C4BPA: variants seen among roughly 807,000 people sequenced by gnomAD.
C4BPA encodes C4b-binding protein alpha chain.
A neutral mutation model predicts 63.7 loss-of-function variants in C4BPA; 31 were observed. That is an observed-to-expected ratio of 0.49 (90% confidence interval 0.37 to 0.66). The LOEUF is 0.66. Among genes scored for constraint, C4BPA ranks in the 30% least tolerant of loss-of-function variants. The pLI, the probability that C4BPA is intolerant of heterozygous loss-of-function variation, is 0.00. For synonymous variants in C4BPA, 259 were observed against 254.7 expected (o/e 1.02, Z -0.16); for missense variants, 572 against 723.3 (o/e 0.79, Z 2.40).
At chr1:207,111,325 G>T (rs1684663211) in intron 1 of C4BPA, among the ~76,000 whole-genome samples, 1 of 152,234 alleles carries the variant, frequency 6.6e-6, no homozygotes. Flanking sequence ...TACAAAGTCT[G>T]TGAACACATT....
intron 1 of C4BPA, among the ~76,000 whole-genome samples, chr1:207,107,911 A>G (rs1684591863): frequency 6.6e-6 from 1 of 152,142 alleles, no homozygotes; most frequent in African/African-American, 2.4e-5. Context: ...GAATAGTGCA[A>G]GGAGGTGAGA....
At chr1:207,114,863 G>C (rs888127000) in intron 3 of C4BPA, 4 of 153,278 alleles carry the variant, frequency 2.6e-5, no homozygotes, top group African/African-American at 9.7e-5. Flanking sequence ...ATTTCATTAT[G>C]ATCTATTGAA....
At position 207,118,224 on chromosome 1, in the gene C4BPA, T is replaced by TA. The variant is rs1553256052; in HGVS notation, c.428+2710dup. Among the ~76,000 whole-genome samples the TA allele has an allele frequency of 8.3e-3, 1,260 of 151,014 alleles. 21 individuals carry two copies. Among genetic ancestry groups the TA allele is most frequent in the African/African-American group, 0.029 (1,185 of 40,540 alleles). On this transcript the variant is annotated intron_variant, in intron 4 of 11. Transcript: ENST00000367070. ...TCTATCTATCATCTGTCTATCTATCTATCTATCTATCTATCTATCTATCAT... is the reference window on the plus strand; with the variant it reads ...TCTATCTATCATCTGTCTATCTATCTAATCTATCTATCTATCTATCTATCAT...
rs886258937 is a variant in C4BPA at position 207,141,269 on chromosome 1, A to G, written c.1437A>G (p.Gln479=). 4 of 1,612,054 alleles carry G rather than the reference A, an allele frequency of 2.5e-6. No homozygotes were observed. Among genetic ancestry groups the G allele is most frequent in the Admixed American group, 3.3e-5 (2 of 59,788 alleles). The change falls in exon 10 of 12, where the codon CAA becomes CAG. Residue 479 remains glutamine (Q), a synonymous_variant. Transcript: ENST00000367070. ...SYSHWSAPAP[Q]CKALCRKPEL... ...CACACTGGTCAGCTCCAGCCCCTCA[A>G]TGTAAAGGTAACTCCAGCTTCCTTT...
intron 7 of C4BPA, among the ~76,000 whole-genome samples, chr1:207,128,040 T>C (rs1244573038): frequency 6.6e-6 from 1 of 152,142 alleles, no homozygotes; most frequent in African/African-American, 2.4e-5. Flanking sequence ...ACTCCGATTA[T>C]ATGGGGAGGA....
rs1572775796 is a variant in C4BPA, at chr1:207,112,929, T to C, written c.-25-72T>C. 6.6e-6 allele frequency: 9 copies of C among 1,370,052 alleles called. No individual in the cohort carries two copies. In the East Asian group the frequency reaches 2.3e-4, roughly 34 times the overall value. 84.9% of individuals were successfully genotyped at this position (1,370,052 alleles called of 1,614,324 possible). On this transcript the variant is annotated intron_variant, in intron 1 of 11. Coordinates refer to ENST00000367070, the MANE Select transcript of C4BPA (RefSeq NM_000715.4). ...CATTTCCTTGAAGACATGGATCCCA[T>C]AACATTTATTCTAGTGCTTTATGAC... is the stretch of plus-strand genomic sequence containing the variant.
In C4BPA at chr1:207,144,681, C is replaced by T. The variant is rs764872306; in HGVS notation, c.1758C>T (p.Asp586=). 6.2e-7 allele frequency: 1 copy of T among 1,610,460 alleles called. No individual in the cohort carries two copies. The highest frequency in any genetic ancestry group is 1.1e-5 in the South Asian group (1 of 90,276). Residue 586 remains aspartate (D), a synonymous_variant, in exon 12 of 12, where the codon GAC becomes GAT. Coordinates refer to ENST00000367070, the MANE Select transcript of C4BPA (RefSeq NM_000715.4). Reference sequence around the variant, plus strand: ...TTGAACAACTGGAACTACAGAGAGACAGCGCAAGACAATCCACTTTGGATA... The same window carrying T: ...TTGAACAACTGGAACTACAGAGAGATAGCGCAAGACAATCCACTTTGGATA... ...LEIEQLELQR[D]SARQSTLDKE... is the part of the protein sequence containing the mutation.
chr1:207,131,620 T>C lies in C4BPA; in HGVS notation c.964T>C (p.Tyr322His). The C allele has an allele frequency of 6.2e-7, 1 of 1,613,410 alleles. No homozygotes were observed. Among genetic ancestry groups the C allele is most frequent in the Non-Finnish European group, 8.5e-7 (1 of 1,179,404 alleles). The change falls in exon 8 of 12, where the codon TAT becomes CAT. Residue 322 changes from tyrosine (Y) to histidine (H), a missense_variant. Physicochemically the swap from Tyr to His is moderately conservative, Grantham distance 83 (BLOSUM62 2). Coordinates refer to ENST00000367070, the MANE Select transcript of C4BPA (RefSeq NM_000715.4). ...TYPRPTKEDVYVVGTVLRYRC... is the reference protein window; with the variant it reads ...TYPRPTKEDVHVVGTVLRYRC... ...TCCTAGGCCGACAAAAGAGGATGTG[T>C]ATGTTGTTGGGACTGTGTTAAGGTA...
chr1:207,129,312 C>G (rs1286477782), intron 7 of C4BPA, among the ~76,000 whole-genome samples: 1 of 149,350 alleles, frequency 6.7e-6, no homozygotes, highest in South Asian at 2.1e-4. Context: ...ATTAAGTGTA[C>G]CAACATATGT....
intron 4 of C4BPA, among the ~76,000 whole-genome samples, chr1:207,120,613 T>A (rs1047913073): frequency 2.6e-5 from 4 of 152,064 alleles, no homozygotes; most frequent in South Asian, 2.1e-4. Context: ...AATAAAAAAA[T>A]TTAAAAAACA....
chr1:207,127,641 C>A (rs1402857697), intron 7 of C4BPA, among the ~76,000 whole-genome samples: 1 of 152,158 alleles, frequency 6.6e-6, no homozygotes, highest in African/African-American at 2.4e-5. Context: ...TTTGGGGAAA[C>A]CTCTCTCCTG....
At chr1:207,134,983 C>T (rs1020606511) in intron 9 of C4BPA, among the ~76,000 whole-genome samples, 1 of 152,186 alleles carries the variant, frequency 6.6e-6, no homozygotes, top group Non-Finnish European at 1.5e-5. Context: ...CCTTCTGTTA[C>T]CTCTGAGCCC....
At chr1:207,118,517 T>G (rs981058405) in intron 4 of C4BPA, among the ~76,000 whole-genome samples, 4 of 152,058 alleles carry the variant, frequency 2.6e-5, no homozygotes, top group Non-Finnish European at 5.9e-5. Flanking sequence ...GAAAAGCCCC[T>G]CATAAAACCA....
At chr1:207,106,875 A>G (rs971269823) in intron 1 of C4BPA, among the ~76,000 whole-genome samples, 2 of 152,254 alleles carry the variant, frequency 1.3e-5, no homozygotes, top group African/African-American at 2.4e-5. Context: ...GCAGATGATA[A>G]TCTGCGTGAT....
At chr1:207,108,657 A>G (rs1282298496) in intron 1 of C4BPA, among the ~76,000 whole-genome samples, 1 of 152,240 alleles carries the variant, frequency 6.6e-6, no homozygotes. Context: ...AATTGAATTT[A>G]TGGAGCATGG....
intron 4 of C4BPA, among the ~76,000 whole-genome samples, chr1:207,117,427 G>A (rs1684821878): frequency 6.6e-6 from 1 of 152,114 alleles, no homozygotes; most frequent in African/African-American, 2.4e-5. Flanking sequence ...CTACAACCTG[G>A]GTGACAGGGC....
chr1:207,141,966 A>G (rs1403336362), intron 10 of C4BPA, among the ~76,000 whole-genome samples: 1 of 152,170 alleles, frequency 6.6e-6, no homozygotes, highest in African/African-American at 2.4e-5. Context: ...CATGTACAGA[A>G]CATGCAGTTT....
At chr1:207,122,218 C>T (rs900975362) in intron 4 of C4BPA, among the ~76,000 whole-genome samples, 2 of 152,066 alleles carry the variant, frequency 1.3e-5, no homozygotes, top group Non-Finnish European at 2.9e-5. Flanking sequence ...AAAAAAAAGT[C>T]CCAAGTGAAA....
At chr1:207,110,709 T>A (rs778387413) in intron 1 of C4BPA, among the ~76,000 whole-genome samples, 14 of 152,238 alleles carry the variant, frequency 9.2e-5, no homozygotes, top group Non-Finnish European at 1.8e-4. Context: ...ATGTAGCTAA[T>A]GAATACATAT....
Sources: allele counts gnomAD v4.1 joint callset (sites outside exome capture counted in the v4.1 genomes callset), GRCh38; gene constraint gnomAD v4.1.1; transcripts MANE v1.5; gene names NCBI Gene and HGNC (gene_info 2026-07-23, HGNC 2026-07-21).